The following HECW1 variants were observed in gnomAD, a reference collection of about 807,000 sequenced individuals.
The protein encoded by HECW1 is HECT, C2 and WW domain containing E3 ubiquitin protein ligase 1.
Under a neutral mutation model 182.3 loss-of-function variants are expected in HECW1, and 61 were observed. The ratio of observed to expected loss-of-function variants is 0.33; its 90% CI spans 0.27 to 0.41. The LOEUF is 0.41. Among genes scored for constraint, HECW1 ranks in the 10% least tolerant of loss-of-function variants. HECW1 has a pLI of 1.00. For missense variants in HECW1, 1,739 were observed against 2,108.9 expected (o/e 0.82, Z 3.44); for synonymous variants, 859 against 832.6 (o/e 1.03, Z -0.55).
chr7:43,163,320 G>A (rs1370934879), intron 2 of HECW1: 1 of 152,240 alleles, frequency 6.6e-6, no homozygotes, highest in Admixed American at 6.5e-5. Flanking sequence ...ACCATATATG[G>A]AAAGGACACC....
At chr7:43,498,833 T>C (rs1467177271) in intron 19 of HECW1, among the ~76,000 whole-genome samples, 4 of 150,914 alleles carry the variant, frequency 2.7e-5, no homozygotes, top group Admixed American at 6.6e-5. Flanking sequence ...TCCCTTGCCT[T>C]AAAAAAAAAG....
chr7:43,507,948 C>A, intron 22 of HECW1, 70 bp from the exon 23 acceptor site: 1 of 1,085,636 alleles, frequency 9.2e-7, no homozygotes, highest in Non-Finnish European at 1.4e-6. Context: ...CCTGGACTCA[C>A]AACTCACTTA....
intron 5 of HECW1, among the ~76,000 whole-genome samples, chr7:43,344,218 C>T (rs918706475): frequency 1.3e-5 from 2 of 151,800 alleles, no homozygotes; most frequent in African/African-American, 4.9e-5. Flanking sequence ...TGCCTGTTCA[C>T]TCTGATGGTA....
At chr7:43,543,316 A>C (rs1240698222) in intron 26 of HECW1, among the ~76,000 whole-genome samples, 1 of 152,252 alleles carries the variant, frequency 6.6e-6, no homozygotes, top group African/African-American at 2.4e-5. Context: ...GCTGCAGGCC[A>C]CCAAGCACCG....
chr7:43,236,320 TG>T (rs918235842), intron 2 of HECW1, among the ~76,000 whole-genome samples: 5 of 151,998 alleles, frequency 3.3e-5, no homozygotes, highest in Non-Finnish European at 2.9e-5. Context: ...AAACCATTCA[TG>T]GGGGGGAAAA....
At chr7:43,393,539 T>C (rs1458966379) in intron 6 of HECW1, among the ~76,000 whole-genome samples, 1 of 152,238 alleles carries the variant, frequency 6.6e-6, no homozygotes, top group Admixed American at 6.5e-5. Flanking sequence ...TTTTGTATCA[T>C]CAGTGTGGTG....
At chr7:43,240,097 C>G (rs1798733755) in intron 2 of HECW1, 1 of 152,214 alleles carries the variant, frequency 6.6e-6, no homozygotes, top group South Asian at 2.1e-4. Flanking sequence ...AATCCCAGCA[C>G]TTTGGGAGGC....
At chr7:43,416,824 G>A (rs1371781639) in intron 8 of HECW1, among the ~76,000 whole-genome samples, 6 of 128,342 alleles carry the variant, frequency 4.7e-5, no homozygotes, top group South Asian at 2.7e-4. Flanking sequence ...TCTTTGACTC[G>A]GAAAGGGAAC....
intron 2 of HECW1, among the ~76,000 whole-genome samples, chr7:43,207,341 C>A (rs1179430865): frequency 6.6e-6 from 1 of 152,168 alleles, no homozygotes; most frequent in Non-Finnish European, 1.5e-5. Flanking sequence ...CCACCGCACG[C>A]CGCCTAAAAT....
At position 43,233,116 on chromosome 7, in the gene HECW1, A is replaced by G. The variant is rs187242330; in HGVS notation, c.-31-10759A>G. 2.0e-3 allele frequency among the ~76,000 whole-genome samples: 308 copies of G among 152,172 alleles called. 2 individuals carry two copies. The highest frequency in any genetic ancestry group is 7.2e-3 in the African/African-American group (299 of 41,492). Reference sequence around the variant, plus strand: ...TCCTTCTCCCTAGCTGGTTGTTACTATCTCCCAGAACCTCTATTTCTATGT... The same window carrying G: ...TCCTTCTCCCTAGCTGGTTGTTACTGTCTCCCAGAACCTCTATTTCTATGT... On this transcript the variant is annotated intron_variant, in intron 2 of 29. Transcript: ENST00000395891.
intron 2 of HECW1, among the ~76,000 whole-genome samples, chr7:43,217,000 A>G (rs140796380): frequency 6.6e-6 from 1 of 152,246 alleles, no homozygotes; most frequent in Non-Finnish European, 1.5e-5. Context: ...ACCAGCTGTC[A>G]AGGGTTCTGT....
At chr7:43,232,618 T>C (rs1355388700) in intron 2 of HECW1, among the ~76,000 whole-genome samples, 5 of 152,180 alleles carry the variant, frequency 3.3e-5, no homozygotes, top group Non-Finnish European at 7.4e-5. Context: ...CTGAACATGA[T>C]GTTCTTGCGG....
At chr7:43,212,522 A>G (rs1013973498) in intron 2 of HECW1, among the ~76,000 whole-genome samples, 4 of 152,128 alleles carry the variant, frequency 2.6e-5, no homozygotes, top group Non-Finnish European at 5.9e-5. Context: ...ACTGTTCCTC[A>G]AAACCAAATC....
intron 27 of HECW1, among the ~76,000 whole-genome samples, chr7:43,550,855 G>A (rs749844): frequency 0.013 from 1,995 of 152,328 alleles, 20 homozygotes; most frequent in Middle Eastern, 0.034. Context: ...ATGTGACCCT[G>A]GCGTGCCAGA....
At chr7:43,155,216 A>G (rs1015423460) in intron 2 of HECW1, among the ~76,000 whole-genome samples, 8 of 152,360 alleles carry the variant, frequency 5.3e-5, no homozygotes, top group Non-Finnish European at 8.8e-5. Flanking sequence ...GAAATTGTAC[A>G]CACATGTAAA....
At chr7:43,394,797 G>A (rs1584755154) in intron 6 of HECW1, among the ~76,000 whole-genome samples, 1 of 152,164 alleles carries the variant, frequency 6.6e-6, no homozygotes, top group Non-Finnish European at 1.5e-5. Flanking sequence ...AGTAATTCAT[G>A]CAGAGCCGGC....
At chr7:43,163,712 T>C (rs1368948658) in intron 2 of HECW1, among the ~76,000 whole-genome samples, 1 of 152,182 alleles carries the variant, frequency 6.6e-6, no homozygotes, top group Non-Finnish European at 1.5e-5. Context: ...TCTGCTTTAA[T>C]TCTTCCTAAT....
At chr7:43,549,533 A>G (rs1346480336) in intron 26 of HECW1, among the ~76,000 whole-genome samples, 1 of 152,230 alleles carries the variant, frequency 6.6e-6, no homozygotes, top group Non-Finnish European at 1.5e-5. Flanking sequence ...CCCCCTTCAT[A>G]CATGAACATA....
intron 2 of HECW1, among the ~76,000 whole-genome samples, chr7:43,139,427 C>T (rs1302690271): frequency 6.6e-6 from 1 of 152,238 alleles, no homozygotes; most frequent in African/African-American, 2.4e-5. Context: ...AAAGACGCAA[C>T]ATGCAACTAT....
Sources: gnomAD v4.1 joint callset for allele counts (sites outside exome capture counted in the v4.1 genomes callset) on GRCh38, gnomAD v4.1.1 for gene constraint, MANE v1.5 for transcripts, NCBI Gene and HGNC (gene_info 2026-07-23, HGNC 2026-07-21) for gene names.